CCER1: variants seen among roughly 807,000 people sequenced by gnomAD.
CCER1 encodes coiled-coil domain-containing glutamate-rich protein 1.
For synonymous variants in CCER1, 246 were observed against 213.8 expected, an observed-to-expected ratio of 1.15 and a Z score of -1.31; for missense variants, 573 against 524.5, an observed-to-expected ratio of 1.09 and a Z score of -0.90.
In CCER1 at chr12:90,954,330, C is replaced by T. The variant is rs1876577589; in HGVS notation, c.413G>A (p.Gly138Asp). Residue 138 changes from glycine (G) to aspartate (D), a missense_variant, in exon 1 of 1, where the codon GGC (glycine) becomes GAC (aspartate). Transcript: ENST00000358859. ...TCTGCGGCCCCAGCGCTTCTTCCTGCCTGGGGGCTTCACCCAGCCAGGGTT... is the reference window on the plus strand; with the variant it reads ...TCTGCGGCCCCAGCGCTTCTTCCTGTCTGGGGGCTTCACCCAGCCAGGGTT... ...SWNPGWVKPPGRKKRWGRRGR... is the reference protein window; with the variant it reads ...SWNPGWVKPPDRKKRWGRRGR... 1 of 1,606,004 alleles carries T rather than the reference C, an allele frequency of 6.2e-7. No individual in the cohort carries two copies. Among genetic ancestry groups the T allele is most frequent in the Middle Eastern group, 1.7e-4 (1 of 6,054 alleles).
rs201194959 is a variant in CCER1 at position 90,954,506 on chromosome 12, T to A, written c.237A>T (p.Pro79=). ...QQHGPGFWFQ[P]PVCSNWGCWG... is the part of the protein sequence containing the mutation. Reference sequence around the variant, plus strand: ...AGCACCCCCAGTTAGAGCACACGGGTGGTTGGAACCAAAAGCCCGGGCCGT... The same window carrying A: ...AGCACCCCCAGTTAGAGCACACGGGAGGTTGGAACCAAAAGCCCGGGCCGT... The change falls in exon 1 of 1, where the codon CCA becomes CCT. Residue 79 remains proline (P), a synonymous_variant. Coordinates refer to ENST00000358859, the MANE Select transcript of CCER1 (RefSeq NM_152638.4). 53 of 1,610,626 alleles carry A rather than the reference T, an allele frequency of 3.3e-5. No homozygotes were observed. Among genetic ancestry groups the A allele is most frequent in the Non-Finnish European group, 4.3e-5 (51 of 1,177,596 alleles).
At position 90,955,008 on chromosome 12, in the gene CCER1, G is replaced by T; in HGVS notation, c.-266C>A. ...GGACTGGGGCTGGGTAAGGATGGTG[G>T]GGGAGGAAGGTGTTGGCAGGCGACA... On this transcript the variant is annotated 5_prime_UTR_variant, in exon 1 of 1. Transcript: ENST00000358859. The T allele has an allele frequency of 1.6e-6, 1 of 609,064 alleles. No individual in the cohort carries two copies. The highest frequency in any genetic ancestry group is 2.8e-6 in the Non-Finnish European group (1 of 353,484). The allele number at this position is 609,064 out of a possible 1,614,324, so 37.7% of individuals were successfully genotyped here. A position where few individuals can be genotyped will look rare whatever the true frequency, so the allele number is the denominator to read the frequency against.
rs539345522 is a variant in CCER1 at position 90,953,892 on chromosome 12, T to C, written c.851A>G (p.Asn284Ser). The C allele has an allele frequency of 2.0e-4, 323 of 1,613,782 alleles. 3 individuals are homozygous for C. In the South Asian group the frequency reaches 3.4e-3, roughly 17 times the overall value. ...LLVEEEEEKK[N>S]DDEEEYDQEV... ...CTGGTCATACTCCTCCTCATCATCA[T>C]TTTTCTTCTCCTCCTCTTCTTCCAC... The change falls in exon 1 of 1, where the codon AAT becomes AGT. Residue 284 changes from asparagine (N) to serine (S), a missense_variant. Transcript: ENST00000358859.
At position 90,954,618 on chromosome 12, in the gene CCER1, C is replaced by T. The variant is rs1217897217; in HGVS notation, c.125G>A (p.Arg42His). ...TCTATTGTACGCTGGAGCACCCGGG[C>T]GCCTTCGATGGCAGGACGACCAGGA... ...LSSWSSCHRR[R>H]PGAPAYNRPH... The change falls in exon 1 of 1, where the codon CGC becomes CAC. Residue 42 changes from arginine to histidine, a missense_variant. Coordinates refer to ENST00000358859, the MANE Select transcript of CCER1 (RefSeq NM_152638.4). 1.9e-6 allele frequency: 3 copies of T among 1,613,328 alleles called. 1 individual carries two copies. Among genetic ancestry groups the T allele is most frequent in the Admixed American group, 3.3e-5 (2 of 59,972 alleles).
Position 90,952,771 on chromosome 12 carries a change from G to T in CCER1, c.*751C>A, listed in dbSNP as rs1010221747. 2.6e-5 allele frequency: 4 copies of T among 152,516 alleles called. No individual in the cohort carries two copies. The highest frequency in any genetic ancestry group is 9.7e-5 in the African/African-American group (4 of 41,402). The allele number at this position is 152,516 out of a possible 1,614,324, so 9.4% of individuals were successfully genotyped here. ...AAACCTAAGCCATGTTCCACTGTTT[G>T]CAGTTACCTTGGACTTTAACTAGAT... On this transcript the variant is annotated 3_prime_UTR_variant, in exon 1 of 1. Coordinates refer to ENST00000358859, the MANE Select transcript of CCER1 (RefSeq NM_152638.4).
In CCER1 at chr12:90,954,579, C is replaced by G. The variant is rs749373110; in HGVS notation, c.164G>C (p.Ser55Thr). ...TGGGGGCCCATACTCGGTCTTGGGG[C>G]TATATCGGTGCGGTCTATTGTACGC... ...APAYNRPHRYSPKTEYGPPRK... is the reference protein window; with the variant it reads ...APAYNRPHRYTPKTEYGPPRK... The change falls in exon 1 of 1, where the codon AGC (serine) becomes ACC (threonine). Residue 55 changes from serine to threonine, a missense_variant. Ser to Thr is a moderately conservative substitution (Grantham distance 58). Transcript: ENST00000358859. The G allele has an allele frequency of 6.2e-7, 1 of 1,613,994 alleles. No individual in the cohort carries two copies. The highest frequency in any genetic ancestry group is 1.7e-5 in the Admixed American group (1 of 60,020).
chr12:90,953,753 C>T lies in CCER1; in HGVS notation c.990G>A (p.Glu330=), dbSNP rs1324159822. The stretch of plus-strand genomic sequence containing the variant: ...CCTCCTCTTCCAGCTCCTCCTCTCC[C>T]TCCTCCACATATTCAGCCTCTTCGA... ...EEVEEAEYVE[E]GEEELEEEEL... The change falls in exon 1 of 1, where the codon GAG becomes GAA. Residue 330 remains glutamate (E), a synonymous_variant. Transcript: ENST00000358859. 44 of 1,569,786 alleles carry T rather than the reference C, an allele frequency of 2.8e-5. No homozygotes were observed. Among genetic ancestry groups the T allele is most frequent in the Non-Finnish European group, 3.7e-5 (42 of 1,139,962 alleles).
At position 90,954,015 on chromosome 12, in the gene CCER1, G is replaced by A; in HGVS notation, c.728C>T (p.Thr243Ile). ...NDAPPGGSKE[T>I]WGLQETLYGF... ...ATACAGAGTTTCCTGCAGTCCCCAG[G>A]TTTCCTTGCTGCCGCCAGGGGGCGC... The change falls in exon 1 of 1, where the codon ACC (threonine) becomes ATC (isoleucine). Residue 243 changes from threonine (T) to isoleucine (I), a missense_variant. Transcript: ENST00000358859. 1 of 1,614,228 alleles carries A rather than the reference G, an allele frequency of 6.2e-7. No homozygotes were observed.
At position 90,953,318 on chromosome 12, in the gene CCER1, A is replaced by C; in HGVS notation, c.*204T>G. 1 of 481,450 alleles carries C rather than the reference A, an allele frequency of 2.1e-6. No individual in the cohort carries two copies. Among genetic ancestry groups the C allele is most frequent in the South Asian group, 5.8e-5 (1 of 17,272 alleles). 29.8% of individuals were successfully genotyped at this position (481,450 alleles called of 1,614,324 possible). A position where few individuals can be genotyped will look rare whatever the true frequency, so the allele number is the denominator to read the frequency against. On this transcript the variant is annotated 3_prime_UTR_variant, in exon 1 of 1. Coordinates refer to ENST00000358859, the MANE Select transcript of CCER1 (RefSeq NM_152638.4). ...CTTGGCCTTTAATCAGTTCCAGTAA[A>C]ATTATATTTGAAAGCTTCCCCACCA...
chr12:90,954,119 C>G lies in CCER1; in HGVS notation c.624G>C (p.Glu208Asp), dbSNP rs967561875. The change falls in exon 1 of 1, where the codon GAG becomes GAC. Residue 208 changes from glutamate (E) to aspartate (D), a missense_variant. Transcript: ENST00000358859. ...GCGCCCGCAGCGCCTCCTGCTGACG[C>G]TCCACCTTCTCCTGCTGCCTCATGT... ...YEDMRQQEKV[E>D]RQQEALRAQK... 1.2e-6 allele frequency: 2 copies of G among 1,612,438 alleles called. No homozygotes were observed. The highest frequency in any genetic ancestry group is 2.7e-5 in the African/African-American group (2 of 74,946).
rs1046176378 is a variant in CCER1, at chr12:90,953,474, T to A, written c.*48A>T. 8 of 1,541,356 alleles carry A rather than the reference T, an allele frequency of 5.2e-6. No homozygotes were observed. In the Admixed American group the frequency reaches 6.4e-5, roughly 12 times the overall value. ...GTTTTTAATAAATTGCTAATCCAGT[T>A]TAGCCTCAAATCAGTTCCATCCCTT... On this transcript the variant is annotated 3_prime_UTR_variant, in exon 1 of 1. Coordinates refer to ENST00000358859, the MANE Select transcript of CCER1 (RefSeq NM_152638.4).
rs181931645 is a variant in CCER1, at chr12:90,953,112, G to T, written c.*410C>A. 3.0e-5 allele frequency: 5 copies of T among 165,342 alleles called. No individual in the cohort carries two copies. The Admixed American group carries it at 3.1e-4, about 10-fold the overall frequency. The allele number at this position is 165,342 out of a possible 1,614,324, so 10.2% of individuals were successfully genotyped here. ...TGAACATTTAGTAGCGTTAGAATGTGCTTCTTACGCATGTAATAAACTATC... is the reference window on the plus strand; with the variant it reads ...TGAACATTTAGTAGCGTTAGAATGTTCTTCTTACGCATGTAATAAACTATC... On this transcript the variant is annotated 3_prime_UTR_variant, in exon 1 of 1. Transcript: ENST00000358859.
chr12:90,953,970 G>A lies in CCER1; in HGVS notation c.773C>T (p.Ser258Phe), dbSNP rs376732634. The part of the protein sequence containing the change: ...ETLYGFVQNP[S>F]LAFSPNPEEN... ...CTCTGGGTTGGGACTGAATGCTAGA[G>A]AGGGATTCTGCACAAAGCCATACAG... is the stretch of plus-strand genomic sequence containing the variant. Residue 258 changes from serine (S) to phenylalanine (F), a missense_variant, in exon 1 of 1, where the codon TCT (serine) becomes TTT (phenylalanine). Ser to Phe is a radical substitution (Grantham distance 155). Transcript: ENST00000358859. 6.2e-7 allele frequency: 1 copy of A among 1,614,232 alleles called. No homozygotes were observed. The highest frequency in any genetic ancestry group is 8.5e-7 in the Non-Finnish European group (1 of 1,180,038).
At position 90,954,142 on chromosome 12, in the gene CCER1, T is replaced by C. The variant is rs1876566588; in HGVS notation, c.601A>G (p.Met201Val). 5 of 1,611,908 alleles carry C rather than the reference T, an allele frequency of 3.1e-6. No homozygotes were observed. In the South Asian group the frequency reaches 3.3e-5, roughly 11 times the overall value. ...CGCTCCACCTTCTCCTGCTGCCTCATGTCCTCGTAGATCTGGTTCATGATG... is the reference window on the plus strand; with the variant it reads ...CGCTCCACCTTCTCCTGCTGCCTCACGTCCTCGTAGATCTGGTTCATGATG... ...QFIMNQIYED[M>V]RQQEKVERQQ... The change falls in exon 1 of 1, where the codon ATG becomes GTG. Residue 201 changes from methionine to valine, a missense_variant. By Grantham distance (21) the Met-to-Val change is conservative (BLOSUM62 1). Transcript: ENST00000358859.
rs1374345978 is a variant in CCER1 at position 90,954,770 on chromosome 12, T to C, written c.-28A>G. On this transcript the variant is annotated 5_prime_UTR_variant, in exon 1 of 1. Transcript: ENST00000358859. Reference sequence around the variant, plus strand: ...TTCAGGGAGCTCCGAGAGGTCCAGATGGTAGCGACCTGAAGCTGTCGTCAA... The same window carrying C: ...TTCAGGGAGCTCCGAGAGGTCCAGACGGTAGCGACCTGAAGCTGTCGTCAA... 1 of 1,529,784 alleles carries C rather than the reference T, an allele frequency of 6.5e-7. No homozygotes were observed. The highest frequency in any genetic ancestry group is 1.2e-5 in the South Asian group (1 of 81,480). The allele number at this position is 1,529,784 out of a possible 1,614,324, so 94.8% of individuals were successfully genotyped here. A position where few individuals can be genotyped will look rare whatever the true frequency, so the allele number is the denominator to read the frequency against.
rs377720285 is a variant in CCER1, at chr12:90,953,844, G to C, written c.899C>G (p.Ala300Gly). Residue 300 changes from alanine (A) to glycine (G), a missense_variant, in exon 1 of 1, where the codon GCG (alanine) becomes GGG (glycine). Transcript: ENST00000358859. ...YDQEVCDAKE[A>G]SEEEEEVEDE... ...TTCGACCTCTTCTTCCTCCTCGCTC[G>C]CCTCCTTTGCATCACACACCTCCTG... 3.0e-5 allele frequency: 47 copies of C among 1,592,068 alleles called. No homozygotes were observed. The highest frequency in any genetic ancestry group is 3.9e-5 in the Non-Finnish European group (45 of 1,160,606).
chr12:90,953,560 G>A lies in CCER1; in HGVS notation c.1183C>T (p.Gln395Ter). The A allele has an allele frequency of 6.2e-7, 1 of 1,614,004 alleles. No homozygotes were observed. The part of the protein sequence containing the change: ...NPEQIIPKVP[Q>*]ESLFMAQDFN... Reference sequence around the variant, plus strand: ...TCCTGTGCCATGAACAGGGATTCCTGTGGCACTTTGGGAATTATCTGCTCT... The same window carrying A: ...TCCTGTGCCATGAACAGGGATTCCTATGGCACTTTGGGAATTATCTGCTCT... Residue 395 changes from glutamine (Q) to a stop codon, truncating the protein, a stop_gained, in exon 1 of 1, where the codon CAG becomes TAG. Transcript: ENST00000358859. LOFTEE classifies it high-confidence loss of function.
In CCER1 at chr12:90,953,209, G is replaced by A; in HGVS notation, c.*313C>T. 3.7e-6 allele frequency: 1 copy of A among 272,206 alleles called. No individual in the cohort carries two copies. Among genetic ancestry groups the A allele is most frequent in the Non-Finnish European group, 6.8e-6 (1 of 146,550 alleles). 16.9% of individuals were successfully genotyped at this position (272,206 alleles called of 1,614,324 possible). On this transcript the variant is annotated 3_prime_UTR_variant, in exon 1 of 1. Transcript: ENST00000358859. ...CAAAAACAAACGCTTTTTCAGCATT[G>A]CCAGATTTAAAAAAACAACAGCAAC...
In CCER1 at chr12:90,954,484, AC is replaced by A; in HGVS notation, c.258del (p.Cys87AlafsTer48). On this transcript the variant is annotated frameshift_variant, in exon 1 of 1. Coordinates refer to ENST00000358859, the MANE Select transcript of CCER1 (RefSeq NM_152638.4). LOFTEE classifies it low-confidence loss of function (END_TRUNC). ...WFQPPVCSNW[G>X]CWGGPWRPPP... is the part of the protein sequence containing the mutation. ...GGTGGGCGCCAGGGCCCTCCCCAGC[AC>A]CCCCAGTTAGAGCACACGGGTGGTT... 1 of 1,609,526 alleles carries A rather than the reference AC, an allele frequency of 6.2e-7. No individual in the cohort carries two copies. The highest frequency in any genetic ancestry group is 8.5e-7 in the Non-Finnish European group (1 of 1,176,880).
Sources: allele counts gnomAD v4.1 joint callset, GRCh38; gene constraint gnomAD v4.1.1; transcripts MANE v1.5; gene names NCBI Gene and HGNC (gene_info 2026-07-23, HGNC 2026-07-21).